Variants in SYNPO2 observed in about 807,000 individuals in gnomAD.
SYNPO2 encodes synaptopodin 2, also known as synaptopodin-2.
SYNPO2 carries 56 observed loss-of-function variants against 85.0 expected under a neutral mutation model. That is an observed-to-expected ratio of 0.66 (90% confidence interval 0.53 to 0.82). SYNPO2 has a LOEUF of 0.82. SYNPO2 is among the 40% of genes least tolerant of loss of function. The pLI, the probability that SYNPO2 is intolerant of heterozygous loss-of-function variation, is 0.00. For synonymous variants in SYNPO2, 602 were observed against 591.1 expected (o/e 1.02, Z -0.27); for missense variants, 1,575 against 1,534.2 (o/e 1.03, Z -0.44).
At chr4:118,967,186 T>C (rs1254160385) in intron 1 of SYNPO2, among the ~76,000 whole-genome samples, 1 of 152,168 alleles carries the variant, frequency 6.6e-6, no homozygotes, top group African/African-American at 2.4e-5. Flanking sequence ...TTCAAGCCCA[T>C]TTTAGCTCCC....
chr4:119,019,972 A>G (rs1737656103), intron 1 of SYNPO2, among the ~76,000 whole-genome samples: 1 of 152,166 alleles, frequency 6.6e-6, no homozygotes, highest in African/African-American at 2.4e-5. Context: ...TCATTTTCAC[A>G]AATAAGAACA....
At chr4:119,051,259 G>C (rs995637161) in intron 4 of SYNPO2, among the ~76,000 whole-genome samples, 3 of 133,392 alleles carry the variant, frequency 2.2e-5, no homozygotes, top group South Asian at 2.7e-4. Context: ...GCGGGATCTC[G>C]GCTCACTGCA....
upstream of SYNPO2, among the ~76,000 whole-genome samples, chr4:118,887,236 G>T (rs1414108414): frequency 6.6e-6 from 1 of 151,554 alleles, no homozygotes; most frequent in African/African-American, 2.4e-5. Context: ...GGCTGTCCAG[G>T]GCTGATTCCT....
At chr4:118,883,553 A>C (rs558044789) in intron 1 of SYNPO2, among the ~76,000 whole-genome samples, 57 of 152,344 alleles carry the variant, frequency 3.7e-4, no homozygotes, top group African/African-American at 1.3e-3. Context: ...TAAATAAATA[A>C]TCACTTGAGT....
At chr4:118,923,248 A>T (rs937498319) in intron 1 of SYNPO2, among the ~76,000 whole-genome samples, 3 of 152,140 alleles carry the variant, frequency 2.0e-5, no homozygotes, top group East Asian at 1.9e-4. Context: ...TTTCAGCCAC[A>T]TGGATGGAGC....
At position 119,024,665 on chromosome 4, in the gene SYNPO2, T is replaced by C. The variant is rs140012905; in HGVS notation, c.257+1084T>C. 8.2e-5 allele frequency among the ~76,000 whole-genome samples: 12 copies of C among 145,568 alleles called. 1 individual carries two copies. The East Asian group carries it at 2.4e-3, about 29-fold the overall frequency. On this transcript the variant is annotated intron_variant, in intron 2 of 4. Coordinates refer to ENST00000307142, the MANE Select transcript of SYNPO2 (RefSeq NM_133477.3). The stretch of plus-strand genomic sequence containing the variant: ...GTTTATAAAATACATAATTTACTAA[T>C]ACATAATTAAATTTATAAAATAAAA...
At chr4:118,880,276 C>G (rs893086212) in intron 1 of SYNPO2, among the ~76,000 whole-genome samples, 1 of 152,138 alleles carries the variant, frequency 6.6e-6, no homozygotes, top group Non-Finnish European at 1.5e-5. Context: ...AGCAGTTAGG[C>G]TATCTGTATG....
In SYNPO2 at chr4:118,979,813, A is replaced by C. The variant is rs371388120; in HGVS notation, c.106-43617A>C. Among the ~76,000 whole-genome samples the C allele has an allele frequency of 7.2e-5, 11 of 152,338 alleles. No homozygotes were observed. In the South Asian group the frequency reaches 1.9e-3, roughly 26 times the overall value. ...GAATCTCTCTGTAATTATAGGTTAC[A>C]GATGGTGACATAAAAACACTAGGAG... On this transcript the variant is annotated intron_variant, in intron 1 of 4. Coordinates refer to ENST00000307142, the MANE Select transcript of SYNPO2 (RefSeq NM_133477.3).
intron 1 of SYNPO2, among the ~76,000 whole-genome samples, chr4:118,879,355 C>T (rs78851363): frequency 6.6e-6 from 1 of 152,144 alleles, no homozygotes; most frequent in Non-Finnish European, 1.5e-5. Flanking sequence ...TTTGTCTCCC[C>T]TGAAATTCAT....
intron 1 of SYNPO2, among the ~76,000 whole-genome samples, chr4:118,983,644 C>A (rs1427971480): frequency 6.6e-6 from 1 of 152,224 alleles, no homozygotes; most frequent in African/African-American, 2.4e-5. Flanking sequence ...GGCCCCACTT[C>A]TACTTCCTCC....
chr4:118,912,541 T>G (rs1049840005), intron 1 of SYNPO2, among the ~76,000 whole-genome samples: 4 of 152,234 alleles, frequency 2.6e-5, no homozygotes, highest in African/African-American at 9.6e-5. Context: ...TCTTATTGAT[T>G]TAAGTTCTAC....
chr4:118,963,677 CA>C (rs1735191246), intron 1 of SYNPO2, among the ~76,000 whole-genome samples: 1 of 152,118 alleles, frequency 6.6e-6, no homozygotes, highest in Non-Finnish European at 1.5e-5. Flanking sequence ...ACCAGTTGAT[CA>C]AATTCTCAGG....
At chr4:118,874,500 G>T (rs1381375414) in intron 1 of SYNPO2, among the ~76,000 whole-genome samples, 1 of 152,142 alleles carries the variant, frequency 6.6e-6, no homozygotes, top group African/African-American at 2.4e-5. Flanking sequence ...AAAACCAGTG[G>T]ACACCATGTG....
At chr4:118,952,667 G>A (rs995900735) in intron 1 of SYNPO2, among the ~76,000 whole-genome samples, 1 of 151,988 alleles carries the variant, frequency 6.6e-6, no homozygotes, top group African/African-American at 2.4e-5. Context: ...TATTTCAATT[G>A]TTATTGTTGG....
intron 1 of SYNPO2, among the ~76,000 whole-genome samples, chr4:118,964,725 A>G (rs1735247641): frequency 6.6e-6 from 1 of 152,148 alleles, no homozygotes; most frequent in African/African-American, 2.4e-5. Flanking sequence ...AGTTTACGGT[A>G]AAGCCATTCA....
chr4:118,942,751 T>C lies in SYNPO2; in HGVS notation c.105+53610T>C, dbSNP rs759253525. ...GCATCTAGTGGATAGAGGCCAGAGA[T>C]GCTGCTAAACTTCCTGCAATACACA... On this transcript the variant is annotated intron_variant, in intron 1 of 4. Transcript: ENST00000307142. 1.6e-4 allele frequency among the ~76,000 whole-genome samples: 25 copies of C among 152,164 alleles called. 1 individual carries two copies. Among genetic ancestry groups the C allele is most frequent in the Non-Finnish European group, 3.2e-4 (22 of 68,032 alleles).
chr4:118,918,436 G>A (rs1286021365), intron 1 of SYNPO2, among the ~76,000 whole-genome samples: 1 of 152,102 alleles, frequency 6.6e-6, no homozygotes, highest in African/African-American at 2.4e-5. Context: ...GTTGGTTGTT[G>A]AGACTATGTT....
chr4:118,905,223 G>C (rs1732892637), intron 1 of SYNPO2, among the ~76,000 whole-genome samples: 1 of 152,090 alleles, frequency 6.6e-6, no homozygotes, highest in Admixed American at 6.6e-5. Flanking sequence ...TGTTCTTCAT[G>C]ATATCCAATT....
At chr4:119,020,546 C>T (rs1206886180) in intron 1 of SYNPO2, among the ~76,000 whole-genome samples, 1 of 152,120 alleles carries the variant, frequency 6.6e-6, no homozygotes, top group Non-Finnish European at 1.5e-5. Context: ...TCAGACAACT[C>T]ATGGCTAATA....
Sources: allele counts gnomAD v4.1 joint callset (sites outside exome capture counted in the v4.1 genomes callset), GRCh38; gene constraint gnomAD v4.1.1; transcripts MANE v1.5; gene names NCBI Gene and HGNC (gene_info 2026-07-23, HGNC 2026-07-21).